The following DIPK1A variants were observed in gnomAD, a reference collection of about 807,000 sequenced individuals.
DIPK1A encodes the protein family with sequence similarity 69 member A.
A neutral mutation model predicts 40.8 loss-of-function variants in DIPK1A; 27 were observed. That is an observed-to-expected ratio of 0.66 (90% confidence interval 0.49 to 0.91). The LOEUF is 0.91. Among genes scored for constraint, DIPK1A ranks in the 40% least tolerant of loss-of-function variants. The probability of loss-of-function intolerance (pLI) is 0.00; values close to 1 mark genes in which losing one functional copy is unlikely to be tolerated. For synonymous variants in DIPK1A, 166 were observed against 171.3 expected (o/e 0.97, Z 0.24); for missense variants, 412 against 505.7 (o/e 0.81, Z 1.78).
intron 1 of DIPK1A, among the ~76,000 whole-genome samples, chr1:92,909,131 C>T (rs1015705803): frequency 6.6e-6 from 1 of 152,138 alleles, no homozygotes; most frequent in African/African-American, 2.4e-5. Flanking sequence ...CAGTTTGCTA[C>T]ACTAAAACTC....
intron 1 of DIPK1A, among the ~76,000 whole-genome samples, chr1:92,881,325 T>TC (rs1648365809): frequency 2.2e-5 from 1 of 45,914 alleles, no homozygotes; most frequent in Admixed American, 2.9e-4. Context: ...GGACTCTGTC[T>TC]CAAAAAAAAA....
intron 1 of DIPK1A, among the ~76,000 whole-genome samples, chr1:92,885,958 A>C (rs1339697466): frequency 1.3e-5 from 2 of 152,176 alleles, no homozygotes; most frequent in East Asian, 3.8e-4. Flanking sequence ...GGGTCATATG[A>C]TACATATTAC....
Position 92,870,129 on chromosome 1 carries a change from C to T in DIPK1A, c.189+6167G>A, listed in dbSNP as rs565999858. ...ACACACACACATATCTGTTGCTCTC[C>T]TCCAAACATCCAAGAATTTGCATAT... On this transcript the variant is annotated intron_variant, in intron 2 of 4. Transcript: ENST00000370310. Among the ~76,000 whole-genome samples the T allele has an allele frequency of 1.3e-4, 19 of 151,658 alleles. No individual in the cohort carries two copies. In the South Asian group the frequency reaches 1.5e-3, roughly 12 times the overall value.
At chr1:92,852,258 G>T (rs576901116) in intron 2 of DIPK1A, among the ~76,000 whole-genome samples, 2 of 152,196 alleles carry the variant, frequency 1.3e-5, no homozygotes, top group Non-Finnish European at 1.5e-5. Context: ...CAGCACTTTG[G>T]GGGGCCGAGG....
intron 1 of DIPK1A, among the ~76,000 whole-genome samples, chr1:92,880,661 G>A (rs1265844198): frequency 6.6e-6 from 1 of 151,724 alleles, no homozygotes; most frequent in Non-Finnish European, 1.5e-5. Flanking sequence ...GGAGCCAAAG[G>A]ATAGAGCCCA....
intron 2 of DIPK1A, among the ~76,000 whole-genome samples, chr1:92,874,242 T>G (rs1305255583): frequency 6.6e-6 from 1 of 152,222 alleles, no homozygotes; most frequent in African/African-American, 2.4e-5. Context: ...TGTACCAATA[T>G]TTGCCCTACA....
intron 1 of DIPK1A, among the ~76,000 whole-genome samples, chr1:92,942,839 A>G (rs1387129075): frequency 6.6e-6 from 1 of 151,786 alleles, no homozygotes; most frequent in East Asian, 1.9e-4. Flanking sequence ...AATTTTTTGT[A>G]TTTTTAGTAG....
At chr1:92,944,241 C>T (rs953450572) in intron 1 of DIPK1A, among the ~76,000 whole-genome samples, 10 of 152,006 alleles carry the variant, frequency 6.6e-5, no homozygotes, top group Non-Finnish European at 1.5e-5. Flanking sequence ...AATAGCTCCA[C>T]CATTTGACTA....
At chr1:92,927,355 A>T (rs1466598005) in intron 1 of DIPK1A, among the ~76,000 whole-genome samples, 1 of 129,450 alleles carries the variant, frequency 7.7e-6, no homozygotes, top group Non-Finnish European at 1.6e-5. Flanking sequence ...CCACCATGCC[A>T]ATTTTGTTGT....
intron 4 of DIPK1A, chr1:92,833,304 T>G: frequency 9.2e-7 from 1 of 1,092,274 alleles, no homozygotes; most frequent in Non-Finnish European, 1.4e-6. Flanking sequence ...GAAGTTCAAG[T>G]GTTACTTTGT....
chr1:92,892,618 C>T (rs912174745), intron 1 of DIPK1A, among the ~76,000 whole-genome samples: 1 of 152,110 alleles, frequency 6.6e-6, no homozygotes, highest in African/African-American at 2.4e-5. Context: ...AGGAATGCAG[C>T]TCCTCACCAG....
chr1:92,833,154 T>C, intron 4 of DIPK1A: 1 of 660,874 alleles, frequency 1.5e-6, no homozygotes, highest in Non-Finnish European at 2.7e-6. Context: ...TTTCTTTTAT[T>C]CCATATTTCT....
chr1:92,912,906 G>A (rs751142056), intron 1 of DIPK1A, among the ~76,000 whole-genome samples: 1 of 151,882 alleles, frequency 6.6e-6, no homozygotes, highest in Non-Finnish European at 1.5e-5. Context: ...TTTGAGACCA[G>A]CCTGTGCAAC....
downstream of DIPK1A, chr1:92,840,748 T>G (rs764920141): frequency 7.0e-6 from 6 of 852,350 alleles, no homozygotes. Flanking sequence ...CTCTGCGTGA[T>G]GTGGCAGAAG....
Position 92,847,191 on chromosome 1 carries a change from G to C in DIPK1A, c.466C>G (p.Leu156Val). Residue 156 changes from leucine to valine, a missense_variant, in exon 4 of 5, where the codon CTC (leucine) becomes GTC (valine). Physicochemically the swap from Leu to Val is conservative, Grantham distance 32. Transcript: ENST00000370310. ...VQKFKEMVYS[L>V]FKAKLGDQGN... Reference sequence around the variant, plus strand: ...TGAATGGGTATGCTTACCTTAAAGAGACTATAGACCATTTCTTTAAATTTT... The same window carrying C: ...TGAATGGGTATGCTTACCTTAAAGACACTATAGACCATTTCTTTAAATTTT... 8 of 1,548,918 alleles carry C rather than the reference G, an allele frequency of 5.2e-6. No homozygotes were observed. Among genetic ancestry groups the C allele is most frequent in the Non-Finnish European group, 7.0e-6 (8 of 1,145,228 alleles).
chr1:92,846,870 T>C (rs372385854), intron 4 of DIPK1A, among the ~76,000 whole-genome samples: 1 of 13,536 alleles, frequency 7.4e-5, no homozygotes, highest in African/African-American at 4.5e-4. Context: ...TGTGTATATA[T>C]ATATATATAT....
In DIPK1A at chr1:92,849,760, G is replaced by A. The variant is rs2989013; in HGVS notation, c.297+1088C>T. On this transcript the variant is annotated intron_variant, in intron 3 of 4. Coordinates refer to ENST00000370310, the MANE Select transcript of DIPK1A (RefSeq NM_001006605.5). Reference sequence around the variant, plus strand: ...AATGCCTGGCCTCAAGTGACCTACCGCCTCAGCCTCCCAAAGTGCTGGGAT... The same window carrying A: ...AATGCCTGGCCTCAAGTGACCTACCACCTCAGCCTCCCAAAGTGCTGGGAT... 4.5e-3 allele frequency among the ~76,000 whole-genome samples: 678 copies of A among 151,824 alleles called. 5 individuals are homozygous for A. Among genetic ancestry groups the A allele is most frequent in the African/African-American group, 0.016 (642 of 41,412 alleles).
intron 1 of DIPK1A, among the ~76,000 whole-genome samples, chr1:92,929,904 T>C (rs78731594): frequency 0.03 from 4,539 of 152,282 alleles, 196 homozygotes; most frequent in African/African-American, 0.097. Flanking sequence ...CAGAGCTACA[T>C]GCTTCCATCT....
intron 1 of DIPK1A, among the ~76,000 whole-genome samples, chr1:92,943,777 G>C (rs1651261196): frequency 6.6e-6 from 1 of 152,140 alleles, no homozygotes; most frequent in African/African-American, 2.4e-5. Context: ...AGGTCTAATG[G>C]GAAAACAGAC....
Sources: allele counts gnomAD v4.1 joint callset (sites outside exome capture counted in the v4.1 genomes callset), GRCh38; gene constraint gnomAD v4.1.1; transcripts MANE v1.5; gene names NCBI Gene and HGNC (gene_info 2026-07-23, HGNC 2026-07-21).